Variants in USP37 observed in about 807,000 individuals in gnomAD.
The protein encoded by USP37 is ubiquitin specific peptidase 37, also known as ubiquitin carboxyl-terminal hydrolase 37.
A neutral mutation model predicts 124.0 loss-of-function variants in USP37; 27 were observed. The ratio of observed to expected loss-of-function variants is 0.22; its 90% CI spans 0.16 to 0.30. The LOEUF (loss-of-function observed/expected upper bound fraction) is 0.30. Ranked by LOEUF, USP37 falls within the 10% of genes least tolerant of loss-of-function variation. USP37 has a pLI of 1.00. For synonymous variants in USP37, 365 were observed against 388.0 expected (o/e 0.94, Z 0.70); for missense variants, 889 against 1,140.4 (o/e 0.78, Z 3.17).
At chr2:218,544,480 C>T (rs1314415327) in intron 8 of USP37, among the ~76,000 whole-genome samples, 1 of 141,624 alleles carries the variant, frequency 7.1e-6, no homozygotes, top group African/African-American at 2.7e-5. Context: ...CTTTCTCAAG[C>T]CTGCTTGTTT....
chr2:218,564,920 ATT>A (rs774489260), intron 1 of USP37, among the ~76,000 whole-genome samples: 19 of 152,004 alleles, frequency 1.2e-4, no homozygotes, highest in Non-Finnish European at 2.5e-4. Flanking sequence ...ATATTTTAAT[ATT>A]TTCTTTCTTT....
intron 10 of USP37, among the ~76,000 whole-genome samples, chr2:218,513,424 C>T (rs1165650861): frequency 1.3e-5 from 2 of 152,300 alleles, no homozygotes; most frequent in Non-Finnish European, 2.9e-5. Flanking sequence ...AAAATGCACA[C>T]ATTTAAAGTG....
Position 218,558,533 on chromosome 2 carries a change from G to A in USP37, c.121C>T (p.His41Tyr), listed in dbSNP as rs777499303. The A allele has an allele frequency of 3.7e-6, 6 of 1,612,838 alleles. No individual in the cohort carries two copies. In the African/African-American group the frequency reaches 6.7e-5, roughly 18 times the overall value. The change falls in exon 4 of 26, where the codon CAC becomes TAC. Residue 41 changes from histidine to tyrosine, a missense_variant. Physicochemically the swap from His to Tyr is moderately conservative, Grantham distance 83 (BLOSUM62 2). Transcript: ENST00000258399. ...EKENKVSLVV[H>Y]YNTGGIPRIF... ...CTTGGAATTCCTCCAGTATTGTAGTGAACTACTAGGCTGACTTTATTCTCT... is the reference window on the plus strand; with the variant it reads ...CTTGGAATTCCTCCAGTATTGTAGTAAACTACTAGGCTGACTTTATTCTCT...
chr2:218,517,393 T>G (rs1690353287), intron 10 of USP37, among the ~76,000 whole-genome samples: 1 of 152,080 alleles, frequency 6.6e-6, no homozygotes, highest in Non-Finnish European at 1.5e-5. Context: ...CCCAAAAACT[T>G]CTTTAGCATT....
At chr2:218,509,951 A>C (rs1457180874) in intron 11 of USP37, 28 bp downstream of exon 11, 1 of 1,501,710 alleles carries the variant, frequency 6.7e-7, no homozygotes, top group African/African-American at 1.4e-5. Context: ...TTTATAAAAA[A>C]GAAAGTAAAA....
rs138900082 is a variant in USP37, at chr2:218,547,235, G to A, written c.430-144C>T. The A allele has an allele frequency of 6.7e-4, 574 of 854,872 alleles. 5 individuals carry two copies. In the East Asian group the frequency reaches 0.013, roughly 20 times the overall value. The allele number at this position is 854,872 out of a possible 1,614,324, so 53.0% of individuals were successfully genotyped here. ...GCCTGTAATCCCAGAAAGCGAAGGC[G>A]GGAGGATCACTTGAGCTCAATAGTT... On this transcript the variant is annotated intron_variant, in intron 6 of 25. Transcript: ENST00000258399.
chr2:218,466,554 T>C (rs1379846763), intron 20 of USP37, among the ~76,000 whole-genome samples: 1 of 152,070 alleles, frequency 6.6e-6, no homozygotes. Context: ...GAACAAATGA[T>C]CTACAGTGAT....
intron 6 of USP37, among the ~76,000 whole-genome samples, chr2:218,548,715 A>C (rs1194500241): frequency 2.4e-5 from 3 of 124,174 alleles, no homozygotes; most frequent in Non-Finnish European, 5.1e-5. Flanking sequence ...AAGTTTGAAA[A>C]ATCAGTATTT....
At chr2:218,475,652 C>T (rs940903708) in intron 19 of USP37, among the ~76,000 whole-genome samples, 105 of 152,244 alleles carry the variant, frequency 6.9e-4, no homozygotes, top group African/African-American at 2.0e-3. Flanking sequence ...ATCGCCTGAA[C>T]CTGGGAGGTG....
In USP37 at chr2:218,562,782, C is replaced by T. The variant is rs1430871016; in HGVS notation, c.-198G>A. On this transcript the variant is annotated 5_prime_UTR_variant, in exon 2 of 26. The change abolishes the stop of an existing upstream ORF in the 5' untranslated region. Transcript: ENST00000258399. ...TTGGGACACTACTCATATTCTGCAG[C>T]TATGCCAGTTCTCCGGAAGCCATCA... 1 of 398,436 alleles carries T rather than the reference C, an allele frequency of 2.5e-6. No homozygotes were observed. Among genetic ancestry groups the T allele is most frequent in the African/African-American group, 2.1e-5 (1 of 48,614 alleles). The allele number at this position is 398,436 out of a possible 1,614,324, so 24.7% of individuals were successfully genotyped here. A position where few individuals can be genotyped will look rare whatever the true frequency, so the allele number is the denominator to read the frequency against.
chr2:218,454,782 A>G lies in USP37; in HGVS notation c.*148T>C, dbSNP rs1689602131. On this transcript the variant is annotated 3_prime_UTR_variant, in exon 26 of 26. Coordinates refer to ENST00000258399, the MANE Select transcript of USP37 (RefSeq NM_020935.3). The stretch of plus-strand genomic sequence containing the variant: ...AAAATAGCATGGAGCATTCTACGTT[A>G]CTCCAATTTTTGTCTTTTGGTTTGG... The G allele has an allele frequency of 6.9e-7, 1 of 1,441,222 alleles. No homozygotes were observed. Among genetic ancestry groups the G allele is most frequent in the African/African-American group, 1.4e-5 (1 of 70,476 alleles). 89.3% of individuals were successfully genotyped at this position (1,441,222 alleles called of 1,614,324 possible). A position where few individuals can be genotyped will look rare whatever the true frequency, so the allele number is the denominator to read the frequency against.
intron 4 of USP37, among the ~76,000 whole-genome samples, chr2:218,554,037 G>A (rs1574960448): frequency 6.6e-6 from 1 of 152,202 alleles, no homozygotes; most frequent in Non-Finnish European, 1.5e-5. Context: ...TAGGTTCTTG[G>A]TACTAAATGG....
chr2:218,555,533 C>T (rs574923755), intron 4 of USP37, among the ~76,000 whole-genome samples: 1 of 152,002 alleles, frequency 6.6e-6, no homozygotes, highest in Non-Finnish European at 1.5e-5. Flanking sequence ...TAACATTAAA[C>T]GCATTATTTC....
intron 20 of USP37, among the ~76,000 whole-genome samples, chr2:218,466,403 C>T (rs1234022364): frequency 1.3e-5 from 2 of 151,948 alleles, no homozygotes; most frequent in Non-Finnish European, 2.9e-5. Flanking sequence ...AAGAGTATGT[C>T]CTGTGCATTG....
chr2:218,454,607 T>C lies in USP37; in HGVS notation c.*323A>G. 1 of 221,818 alleles carries C rather than the reference T, an allele frequency of 4.5e-6. No homozygotes were observed. The highest frequency in any genetic ancestry group is 8.7e-6 in the Non-Finnish European group (1 of 115,312). 13.7% of individuals were successfully genotyped at this position (221,818 alleles called of 1,614,324 possible). A position where few individuals can be genotyped will look rare whatever the true frequency, so the allele number is the denominator to read the frequency against. ...TCATCCTAACTCTTTAAGGCTCCATTCATCCCGTGTGTGTGTGTGTGTGTC... is the reference window on the plus strand; with the variant it reads ...TCATCCTAACTCTTTAAGGCTCCATCCATCCCGTGTGTGTGTGTGTGTGTC... On this transcript the variant is annotated 3_prime_UTR_variant, in exon 26 of 26. Transcript: ENST00000258399.
rs1037302411 is a variant in USP37 at position 218,451,447 on chromosome 2, T to A, written c.*3483A>T. 1 of 152,184 alleles carries A rather than the reference T, an allele frequency of 6.6e-6. No homozygotes were observed. Among genetic ancestry groups the A allele is most frequent in the East Asian group, 1.9e-4 (1 of 5,208 alleles). 9.4% of individuals were successfully genotyped at this position (152,184 alleles called of 1,614,324 possible). ...TAACTAAGAGTATCTACTGCAGTCA[T>A]TTCAGAGGACAGAGAAGGAAAATAT... On this transcript the variant is annotated 3_prime_UTR_variant, in exon 26 of 26. Transcript: ENST00000258399.
chr2:218,510,626 CTATACCAGTT>C (rs1477486834), intron 10 of USP37, among the ~76,000 whole-genome samples: 1 of 152,150 alleles, frequency 6.6e-6, no homozygotes, highest in Non-Finnish European at 1.5e-5. Flanking sequence ...TCCAAAAAGG[CTATACCAGTT>C]TATACTTCAA....
intron 14 of USP37, among the ~76,000 whole-genome samples, chr2:218,489,173 C>A (rs1415220268): frequency 6.6e-6 from 1 of 150,982 alleles, no homozygotes; most frequent in Non-Finnish European, 1.5e-5. Flanking sequence ...GCCTGGCCAA[C>A]ATGGTGAAAC....
chr2:218,463,444 C>T (rs1690136185), intron 21 of USP37, 78 bp from the exon 22 acceptor site: 3 of 1,322,890 alleles, frequency 2.3e-6, no homozygotes, highest in Non-Finnish European at 3.2e-6. Flanking sequence ...AAATCAGTTT[C>T]TCTGGAAGCA....
Sources: gnomAD v4.1 joint callset for allele counts (sites outside exome capture counted in the v4.1 genomes callset) on GRCh38, gnomAD v4.1.1 for gene constraint, MANE v1.5 for transcripts, NCBI Gene and HGNC (gene_info 2026-07-23, HGNC 2026-07-21) for gene names.